Variants in NEGR1 observed in about 807,000 individuals in gnomAD.
NEGR1 encodes IgLON family member 4.
A neutral mutation model predicts 40.9 loss-of-function variants in NEGR1; 10 were observed. The observed-to-expected ratio is 0.24, with a 90% CI of 0.15 to 0.42. The LOEUF (loss-of-function observed/expected upper bound fraction) is 0.42. Among genes scored for constraint, NEGR1 ranks in the 10% least tolerant of loss-of-function variants. NEGR1 has a pLI of 1.00. For synonymous variants in NEGR1, 185 were observed against 166.8 expected (o/e 1.11, Z -0.84); for missense variants, 352 against 438.9 (o/e 0.80, Z 1.77).
chr1:71,818,446 C>A (rs943837168), intron 2 of NEGR1, among the ~76,000 whole-genome samples: 1 of 151,886 alleles, frequency 6.6e-6, no homozygotes, highest in African/African-American at 2.4e-5. Context: ...AAACCAAATA[C>A]CACATGTTCT....
chr1:72,273,110 GACC>G (rs1419290650), intron 1 of NEGR1, among the ~76,000 whole-genome samples: 4 of 151,934 alleles, frequency 2.6e-5, no homozygotes, highest in Non-Finnish European at 4.4e-5. Context: ...AAAGCCATAT[GACC>G]ACATTAAAAT....
chr1:71,649,706 AAAG>A (rs1258943779), intron 4 of NEGR1, among the ~76,000 whole-genome samples: 2 of 152,154 alleles, frequency 1.3e-5, no homozygotes, highest in South Asian at 2.1e-4. Flanking sequence ...TATTACATAA[AAAG>A]AAGAAGTCAG....
At chr1:72,278,321 G>A (rs756811449) in intron 1 of NEGR1, among the ~76,000 whole-genome samples, 9 of 152,062 alleles carry the variant, frequency 5.9e-5, no homozygotes, top group South Asian at 2.1e-4. Context: ...TCAGAAAGGC[G>A]GCTAAAAAAG....
intron 1 of NEGR1, among the ~76,000 whole-genome samples, chr1:72,269,392 A>G (rs1570203796): frequency 6.6e-6 from 1 of 151,616 alleles, no homozygotes; most frequent in Admixed American, 6.6e-5. Flanking sequence ...TAAACTAGGG[A>G]CTTGGAATAC....
intron 4 of NEGR1, among the ~76,000 whole-genome samples, chr1:71,634,005 T>C (rs1651060450): frequency 6.6e-6 from 1 of 152,016 alleles, no homozygotes; most frequent in Admixed American, 6.6e-5. Context: ...TTCACATTCA[T>C]AGATATAGGT....
chr1:72,115,160 A>G (rs1341633755), intron 1 of NEGR1, among the ~76,000 whole-genome samples: 1 of 151,688 alleles, frequency 6.6e-6, no homozygotes, highest in East Asian at 1.9e-4. Context: ...CAGGAATGCA[A>G]GTGCCTAAGA....
At chr1:72,263,538 C>A (rs1051217693) in intron 1 of NEGR1, among the ~76,000 whole-genome samples, 6 of 151,592 alleles carry the variant, frequency 4.0e-5, no homozygotes, top group Admixed American at 6.6e-5. Context: ...TGTTTTAGTT[C>A]TCTGGAGTGA....
At chr1:71,800,309 C>T (rs747548211) in intron 2 of NEGR1, among the ~76,000 whole-genome samples, 4 of 152,134 alleles carry the variant, frequency 2.6e-5, no homozygotes, top group Admixed American at 2.0e-4. Context: ...TCTGTTCACT[C>T]TCATGATAGT....
intron 3 of NEGR1, among the ~76,000 whole-genome samples, chr1:71,762,285 G>T (rs12566585): frequency 1.3e-5 from 2 of 149,556 alleles, no homozygotes; most frequent in African/African-American, 4.9e-5. Context: ...AACAGAAAAA[G>T]AAAAAAGAAA....
intron 4 of NEGR1, among the ~76,000 whole-genome samples, chr1:71,688,458 A>ATATC (rs1451263849): frequency 2.8e-5 from 4 of 142,570 alleles, no homozygotes; most frequent in African/African-American, 1.1e-4. Flanking sequence ...AGATATGTAT[A>ATATC]TATCTTTTTT....
At chr1:72,183,710 T>C (rs780999124) in intron 1 of NEGR1, among the ~76,000 whole-genome samples, 2 of 152,138 alleles carry the variant, frequency 1.3e-5, no homozygotes, top group Non-Finnish European at 2.9e-5. Context: ...TATTTAGTAT[T>C]GGTAATTGTT....
intron 2 of NEGR1, among the ~76,000 whole-genome samples, chr1:71,868,471 AAT>A (rs1660182841): frequency 1.8e-4 from 27 of 148,130 alleles, no homozygotes; most frequent in Middle Eastern, 3.5e-3. Context: ...AGATAGACAG[AAT>A]ACATACATAC....
At chr1:72,004,804 T>C (rs1476049326) in intron 1 of NEGR1, among the ~76,000 whole-genome samples, 1 of 152,166 alleles carries the variant, frequency 6.6e-6, no homozygotes, top group African/African-American at 2.4e-5. Context: ...CACTGCATAA[T>C]ACATTTCAAT....
rs1278373372 is a variant in NEGR1 at position 71,670,582 on chromosome 1, G to T, written c.667+27426C>A. On this transcript the variant is annotated intron_variant, in intron 4 of 6. Coordinates refer to ENST00000357731, the MANE Select transcript of NEGR1 (RefSeq NM_173808.3). ...TTTTTACTTTTTTTTTTGAGATGGG[G>T]GTCTCACTCTGTTGTCCACACACAA... Among the ~76,000 whole-genome samples, 8 of 151,358 alleles carry T rather than the reference G, an allele frequency of 5.3e-5. No individual in the cohort carries two copies. In the East Asian group the frequency reaches 5.8e-4, roughly 11 times the overall value.
At chr1:71,652,779 G>A (rs1209975183) in intron 4 of NEGR1, among the ~76,000 whole-genome samples, 1 of 151,912 alleles carries the variant, frequency 6.6e-6, no homozygotes, top group Non-Finnish European at 1.5e-5. Context: ...TGGGAGGATC[G>A]TTTGAGCCCA....
rs116954072 is a variant in NEGR1 at position 71,682,954 on chromosome 1, A to G, written c.667+15054T>C. On this transcript the variant is annotated intron_variant, in intron 4 of 6. Coordinates refer to ENST00000357731, the MANE Select transcript of NEGR1 (RefSeq NM_173808.3). Reference sequence around the variant, plus strand: ...GTGAAAGCAATCTGAGGCCCTTACCAGAGACAGGTATCAGGGCGAGGCTTC... The same window carrying G: ...GTGAAAGCAATCTGAGGCCCTTACCGGAGACAGGTATCAGGGCGAGGCTTC... Among the ~76,000 whole-genome samples the G allele has an allele frequency of 4.2e-3, 641 of 152,248 alleles. 10 individuals carry two copies. Among genetic ancestry groups the G allele is most frequent in the East Asian group, 0.011 (56 of 5,164 alleles).
chr1:72,115,591 C>G (rs1289645411), intron 1 of NEGR1, among the ~76,000 whole-genome samples: 3 of 151,578 alleles, frequency 2.0e-5, no homozygotes, highest in Admixed American at 6.6e-5. Flanking sequence ...TTGAGCCTGA[C>G]AAAAGAGTCT....
chr1:71,592,840 G>T lies in NEGR1; in HGVS notation c.917C>A (p.Thr306Asn). The T allele has an allele frequency of 6.2e-7, 1 of 1,613,236 alleles. No homozygotes were observed. Among genetic ancestry groups the T allele is most frequent in the Non-Finnish European group, 8.5e-7 (1 of 1,179,348 alleles). ...ACGGTTAAGAGGCAGGCTCGCATTG[G>T]TTGTGCCTAGCTTGTTGGCAGCCAC... ...TCVAANKLGTTNASLPLNPPS... is the reference protein window; with the variant it reads ...TCVAANKLGTNNASLPLNPPS... Residue 306 changes from threonine to asparagine, a missense_variant, in exon 6 of 7, where the codon ACC (threonine) becomes AAC (asparagine). Thr to Asn is a moderately conservative substitution (Grantham distance 65). This residue lies in a region of NEGR1 where 184 missense variants were observed against 208.7 expected (regional missense o/e 0.88). Coordinates refer to ENST00000357731, the MANE Select transcript of NEGR1 (RefSeq NM_173808.3).
chr1:71,580,018 TGCG>T (rs1649083917), intron 6 of NEGR1, among the ~76,000 whole-genome samples: 1 of 152,114 alleles, frequency 6.6e-6, no homozygotes, highest in African/African-American at 2.4e-5. Flanking sequence ...GTATGCTCAT[TGCG>T]GCATTATTCA....
Sources: allele counts gnomAD v4.1 joint callset (sites outside exome capture counted in the v4.1 genomes callset), GRCh38; gene constraint gnomAD v4.1.1; regional missense constraint gnomAD v4.1.1; transcripts MANE v1.5; gene names NCBI Gene and HGNC (gene_info 2026-07-23, HGNC 2026-07-21).